The following GRIN2A variants were observed in gnomAD, a reference collection of about 807,000 sequenced individuals.
GRIN2A encodes the protein glutamate ionotropic receptor NMDA type subunit 2A, also known as glutamate receptor ionotropic, NMDA 2A.
GRIN2A carries 22 observed loss-of-function variants against 113.4 expected under a neutral mutation model. The observed-to-expected ratio is 0.19, with a 90% CI of 0.14 to 0.28. The LOEUF is 0.28. Among genes scored for constraint, GRIN2A ranks in the 10% least tolerant of loss-of-function variants. GRIN2A has a pLI of 1.00. For synonymous variants in GRIN2A, 827 were observed against 738.4 expected, an observed-to-expected ratio of 1.12 and a Z score of -1.94; for missense variants, 1,502 against 1,887.0, an observed-to-expected ratio of 0.80 and a Z score of 3.78.
At chr16:10,047,590 A>G (rs1378113211) in intron 2 of GRIN2A, among the ~76,000 whole-genome samples, 10 of 152,204 alleles carry the variant, frequency 6.6e-5, no homozygotes, top group Non-Finnish European at 1.5e-4. Flanking sequence ...CTCCACCTGA[A>G]CTGCCTCAGA....
chr16:9,996,024 CAAAAAAAAAAAAAAAAAAA>C (rs57133009), intron 2 of GRIN2A, among the ~76,000 whole-genome samples: 2 of 51,112 alleles, frequency 3.9e-5, no homozygotes, highest in South Asian at 1.1e-3. Flanking sequence ...CAGAGGGTGG[CAAAAAAAAAAAAAAAAAAA>C]AAAAAAAAAG....
intron 3 of GRIN2A, among the ~76,000 whole-genome samples, chr16:9,924,129 A>C (rs4608333): frequency 0.79 from 105,221 of 132,594 alleles, 41,876 homozygotes; most frequent in Non-Finnish European, 0.83. Context: ...AAAAAAAAAA[A>C]AAAAAAAAAA....
At chr16:10,044,910 T>G (rs2047232416) in intron 2 of GRIN2A, among the ~76,000 whole-genome samples, 1 of 152,178 alleles carries the variant, frequency 6.6e-6, no homozygotes, top group Non-Finnish European at 1.5e-5. Flanking sequence ...GTGTGACAAC[T>G]GTGATCTATT....
At chr16:9,854,246 C>G (rs1360654359) in intron 4 of GRIN2A, among the ~76,000 whole-genome samples, 3 of 152,012 alleles carry the variant, frequency 2.0e-5, no homozygotes, top group Non-Finnish European at 4.4e-5. Flanking sequence ...ATGGAAGTAT[C>G]AAGGACCTGT....
At chr16:10,170,745 C>T (rs2050025120) in intron 2 of GRIN2A, among the ~76,000 whole-genome samples, 1 of 152,106 alleles carries the variant, frequency 6.6e-6, no homozygotes, top group African/African-American at 2.4e-5. Flanking sequence ...GATATCATGG[C>T]ACACGCCTGT....
At chr16:10,039,941 C>T (rs1303186779) in intron 2 of GRIN2A, among the ~76,000 whole-genome samples, 1 of 56,930 alleles carries the variant, frequency 1.8e-5, no homozygotes, top group Non-Finnish European at 4.2e-5. Context: ...ACACACACAA[C>T]CCACAAACAG....
At chr16:9,997,412 G>T (rs2046245449) in intron 2 of GRIN2A, among the ~76,000 whole-genome samples, 2 of 152,130 alleles carry the variant, frequency 1.3e-5, no homozygotes, top group East Asian at 1.9e-4. Flanking sequence ...CTTTTTCTTG[G>T]TATCATTGAT....
At chr16:9,914,319 G>A (rs2044199884) in intron 3 of GRIN2A, among the ~76,000 whole-genome samples, 2 of 152,134 alleles carry the variant, frequency 1.3e-5, no homozygotes, top group African/African-American at 4.8e-5. Flanking sequence ...GCACCAACAA[G>A]AAAGGCAGAC....
chr16:10,070,092 G>A (rs955343821), intron 2 of GRIN2A, among the ~76,000 whole-genome samples: 5 of 152,176 alleles, frequency 3.3e-5, no homozygotes, highest in South Asian at 4.1e-4. Context: ...CAGTGGCAAC[G>A]TCTGCTCTTC....
chr16:10,116,728 C>T (rs79706203), intron 2 of GRIN2A, among the ~76,000 whole-genome samples: 5,951 of 152,202 alleles, frequency 0.039, 176 homozygotes, highest in South Asian at 0.13. Flanking sequence ...CCACAAGGGC[C>T]CTCCAATAAC....
chr16:9,779,679 A>G (rs1432175764), intron 11 of GRIN2A, among the ~76,000 whole-genome samples: 1 of 152,110 alleles, frequency 6.6e-6, no homozygotes, highest in Non-Finnish European at 1.5e-5. Context: ...CTTTCCATAG[A>G]GGGTAATAGG....
chr16:10,038,523 T>G (rs8058457), intron 2 of GRIN2A, among the ~76,000 whole-genome samples: 1 of 151,472 alleles, frequency 6.6e-6, no homozygotes, highest in African/African-American at 2.4e-5. Context: ...AACTCCACCT[T>G]ATCCCCAGTT....
At chr16:9,938,959 T>A (rs1356799419) in intron 2 of GRIN2A, among the ~76,000 whole-genome samples, 1 of 152,156 alleles carries the variant, frequency 6.6e-6, no homozygotes, top group East Asian at 1.9e-4. Context: ...AACGATATAT[T>A]TGGAGCCCCT....
chr16:9,805,072 T>C (rs555991446), intron 10 of GRIN2A, among the ~76,000 whole-genome samples: 1 of 152,232 alleles, frequency 6.6e-6, no homozygotes, highest in East Asian at 1.9e-4. Flanking sequence ...GTCTCTCTTA[T>C]ACCTGCACAA....
At chr16:9,925,308 G>A (rs1364000154) in intron 3 of GRIN2A, among the ~76,000 whole-genome samples, 2 of 152,188 alleles carry the variant, frequency 1.3e-5, no homozygotes, top group Non-Finnish European at 2.9e-5. Flanking sequence ...GGGTTTTCTA[G>A]TCTGACTAGC....
At chr16:10,030,583 A>C (rs1369495435) in intron 2 of GRIN2A, among the ~76,000 whole-genome samples, 8 of 152,146 alleles carry the variant, frequency 5.3e-5, no homozygotes, top group Non-Finnish European at 1.0e-4. Flanking sequence ...TTCAGACAGA[A>C]AGGTTTTCTT....
intron 2 of GRIN2A, among the ~76,000 whole-genome samples, chr16:10,102,872 T>G (rs1253343148): frequency 6.6e-6 from 1 of 152,210 alleles, no homozygotes; most frequent in Non-Finnish European, 1.5e-5. Context: ...CTTCCTCCAC[T>G]GTTCTAGATC....
intron 2 of GRIN2A, among the ~76,000 whole-genome samples, chr16:10,004,310 A>G (rs1267570424): frequency 6.6e-6 from 1 of 150,612 alleles, no homozygotes; most frequent in Non-Finnish European, 1.5e-5. Flanking sequence ...AATCGCTTGA[A>G]CCCGGGAGGC....
At chr16:9,827,518 T>G (rs2042408393) in intron 9 of GRIN2A, among the ~76,000 whole-genome samples, 1 of 152,222 alleles carries the variant, frequency 6.6e-6, no homozygotes, top group South Asian at 2.1e-4. Flanking sequence ...GATTCGTACC[T>G]TAAAGTTTTT....
Sources: gnomAD v4.1 joint callset for allele counts (sites outside exome capture counted in the v4.1 genomes callset) on GRCh38, gnomAD v4.1.1 for gene constraint, MANE v1.5 for transcripts, NCBI Gene and HGNC (gene_info 2026-07-23, HGNC 2026-07-21) for gene names.